CAMTA1: variants seen among roughly 807,000 people sequenced by gnomAD.
CAMTA1 encodes the protein calmodulin binding transcription activator 1.
A neutral mutation model predicts 170.9 loss-of-function variants in CAMTA1; 27 were observed. The observed-to-expected ratio is 0.16, with a 90% CI of 0.12 to 0.22. The LOEUF (loss-of-function observed/expected upper bound fraction) is 0.22. CAMTA1 is among the 10% of genes least tolerant of loss of function. CAMTA1 has a pLI of 1.00. For synonymous variants in CAMTA1, 833 were observed against 891.5 expected, an observed-to-expected ratio of 0.93 and a Z score of 1.17; for missense variants, 1,619 against 2,217.2, an observed-to-expected ratio of 0.73 and a Z score of 5.42.
rs1052067671 is a variant in CAMTA1 at position 6,887,423 on chromosome 1, C to T, written c.234+62213C>T. ...AGACCCAGTTTTGGATTATCATAGG[C>T]GAAGAAGTCAGACATATATGGTTGT... On this transcript the variant is annotated intron_variant, in intron 3 of 22. Transcript: ENST00000303635. The surrounding 1 kb of genome is among the most constrained non-coding windows in gnomAD (Gnocchi z 4.1). Among the ~76,000 whole-genome samples, 1 of 151,928 alleles carries T rather than the reference C, an allele frequency of 6.6e-6. No homozygotes were observed. Among genetic ancestry groups the T allele is most frequent in the African/African-American group, 2.4e-5 (1 of 41,342 alleles).
At chr1:7,675,123 G>A (rs1184413129) in intron 10 of CAMTA1, among the ~76,000 whole-genome samples, 1 of 152,234 alleles carries the variant, frequency 6.6e-6, no homozygotes, top group Non-Finnish European at 1.5e-5. Context: ...ATGATGGGAT[G>A]GAGCCAGTCA....
intron 6 of CAMTA1, among the ~76,000 whole-genome samples, 193 bp from the exon 7 acceptor site, chr1:7,640,207 T>C (rs1287405872): frequency 2.6e-5 from 4 of 151,272 alleles, no homozygotes; most frequent in Non-Finnish European, 5.9e-5. Context: ...GGCCAGCGAG[T>C]CTGCTAATAT....
intron 22 of CAMTA1, 29 bp from the exon 23 acceptor site, chr1:7,766,430 C>T (rs752803827): frequency 1.9e-6 from 3 of 1,612,188 alleles, no homozygotes; most frequent in Non-Finnish European, 2.5e-6. Context: ...AGAGTTATCG[C>T]CTGCTGTTTT....
intron 6 of CAMTA1, among the ~76,000 whole-genome samples, chr1:7,487,800 T>C (rs923281947): frequency 1.3e-5 from 2 of 152,216 alleles, no homozygotes; most frequent in African/African-American, 4.8e-5. Flanking sequence ...TCCCAGGCCC[T>C]TGTCTGTCCT....
chr1:7,573,464 A>T (rs2095149302), intron 6 of CAMTA1, among the ~76,000 whole-genome samples: 1 of 152,218 alleles, frequency 6.6e-6, no homozygotes, highest in Non-Finnish European at 1.5e-5. Flanking sequence ...GGCTGCCCTA[A>T]TAAATTACCA....
intron 3 of CAMTA1, among the ~76,000 whole-genome samples, chr1:6,919,485 A>G (rs991584081): frequency 1.3e-5 from 2 of 152,122 alleles, no homozygotes; most frequent in Non-Finnish European, 2.9e-5. Flanking sequence ...TAAGAGGTAG[A>G]TCTCCTCTTT....
chr1:7,439,667 A>G (rs1400898309), intron 5 of CAMTA1, among the ~76,000 whole-genome samples: 1 of 152,206 alleles, frequency 6.6e-6, no homozygotes, highest in Admixed American at 6.5e-5. Context: ...CATAGGCCAG[A>G]CACCACCTGG....
chr1:7,023,268 G>T (rs1441587656), intron 3 of CAMTA1, among the ~76,000 whole-genome samples: 1 of 152,240 alleles, frequency 6.6e-6, no homozygotes, highest in East Asian at 1.9e-4. Context: ...TCCCGAATTA[G>T]TGGTACCCTT....
At chr1:7,584,690 G>A (rs1325614995) in intron 6 of CAMTA1, among the ~76,000 whole-genome samples, 1 of 152,166 alleles carries the variant, frequency 6.6e-6, no homozygotes, top group Non-Finnish European at 1.5e-5. Context: ...TAAATAACTG[G>A]AGAGAGGTGC....
chr1:7,127,302 G>A (rs1644996409), intron 4 of CAMTA1, among the ~76,000 whole-genome samples: 1 of 123,726 alleles, frequency 8.1e-6, no homozygotes, highest in South Asian at 2.8e-4. Context: ...TAGGATCTAC[G>A]ATGGGAAGTC....
intron 6 of CAMTA1, among the ~76,000 whole-genome samples, chr1:7,492,629 GCACACAAA>G (rs2093725718): frequency 1.2e-5 from 1 of 83,926 alleles, no homozygotes; most frequent in South Asian, 4.0e-4. Context: ...ACATACACGC[GCACACAAA>G]CACATACAAT....
chr1:7,669,322 A>G (rs978295165), intron 9 of CAMTA1, among the ~76,000 whole-genome samples: 1 of 152,078 alleles, frequency 6.6e-6, no homozygotes, highest in Admixed American at 6.5e-5. Flanking sequence ...CAATGGGAGG[A>G]GCTACTTCCA....
chr1:7,424,406 C>T (rs866252400), intron 5 of CAMTA1, among the ~76,000 whole-genome samples: 143 of 149,134 alleles, frequency 9.6e-4, no homozygotes, highest in African/African-American at 3.3e-3. Flanking sequence ...CAGTGAGGGG[C>T]CTTTCATGAA....
intron 3 of CAMTA1, among the ~76,000 whole-genome samples, chr1:6,917,482 A>G (rs1681062055): frequency 6.7e-6 from 1 of 149,082 alleles, no homozygotes; most frequent in Non-Finnish European, 1.5e-5. Context: ...GTGGCAATGG[A>G]GCTGGAGAGA....
At chr1:7,241,838 A>T (rs76766742) in intron 4 of CAMTA1, among the ~76,000 whole-genome samples, 3 of 152,310 alleles carry the variant, frequency 2.0e-5, no homozygotes, top group East Asian at 3.9e-4. Context: ...AGAGCTAAAG[A>T]TATAAAAGAT....
chr1:7,025,344 G>A (rs1056968837), intron 3 of CAMTA1, among the ~76,000 whole-genome samples: 37 of 152,366 alleles, frequency 2.4e-4, no homozygotes, highest in African/African-American at 8.2e-4. Context: ...CTGCAGAGAG[G>A]AAGGGTGGTC....
At chr1:7,272,267 A>G (rs1158932728) in intron 5 of CAMTA1, among the ~76,000 whole-genome samples, 1 of 152,180 alleles carries the variant, frequency 6.6e-6, no homozygotes, top group Non-Finnish European at 1.5e-5. Context: ...ATAAATGAAA[A>G]GACATCTCAT....
chr1:7,614,675 A>G (rs540103241), intron 6 of CAMTA1, among the ~76,000 whole-genome samples: 25 of 152,258 alleles, frequency 1.6e-4, no homozygotes, highest in South Asian at 6.2e-4. Context: ...TCGAGAACCT[A>G]TAAATGACAC....
chr1:6,894,618 T>G (rs553726321), intron 3 of CAMTA1, among the ~76,000 whole-genome samples: 2 of 152,334 alleles, frequency 1.3e-5, no homozygotes, highest in East Asian at 3.9e-4. Context: ...TGTAAAATAG[T>G]TTTTTAATCT....
Sources: gnomAD v4.1 joint callset for allele counts (sites outside exome capture counted in the v4.1 genomes callset) on GRCh38, gnomAD v4.1.1 for gene constraint, Gnocchi (gnomAD v3.1) non-coding constraint, MANE v1.5 for transcripts, NCBI Gene and HGNC (gene_info 2026-07-23, HGNC 2026-07-21) for gene names.